The following CD226 variants were observed in gnomAD, a reference collection of about 807,000 sequenced individuals.
CD226 encodes the protein CD226 antigen.
CD226 carries 24 observed loss-of-function variants against 34.9 expected under a neutral mutation model. The observed-to-expected ratio is 0.69, with a 90% CI of 0.50 to 0.97. CD226 has a LOEUF of 0.97. Ranked by LOEUF, CD226 falls within the 50% of genes least tolerant of loss-of-function variation. The pLI is 0.00. For missense variants in CD226, 397 were observed against 412.7 expected (o/e 0.96, Z 0.33); for synonymous variants, 148 against 147.4 (o/e 1.00, Z -0.03).
At chr18:69,906,027 TCTC>T (rs1354793726) in intron 2 of CD226, among the ~76,000 whole-genome samples, 3 of 152,256 alleles carry the variant, frequency 2.0e-5, no homozygotes, top group Admixed American at 1.3e-4. Context: ...TCCTTCCTCT[TCTC>T]ATATTTTCTG....
At position 69,920,137 on chromosome 18, in the gene CD226, T is replaced by C. The variant is rs563488878; in HGVS notation, c.383-24092A>G. 1.3e-3 allele frequency among the ~76,000 whole-genome samples: 198 copies of C among 152,302 alleles called. No individual in the cohort carries two copies. The Middle Eastern group carries it at 0.017, about 13-fold the overall frequency. On this transcript the variant is annotated intron_variant, in intron 2 of 5. Coordinates refer to ENST00000582621, the MANE Select transcript of CD226 (RefSeq NM_001303618.2). ...CCTCAGCCTCCCAAAGTGCTGGGAT[T>C]ACAGGTGTGAGCCACCATGCCTAGC...
chr18:69,877,107 G>A (rs530374701), intron 3 of CD226, among the ~76,000 whole-genome samples: 99 of 152,002 alleles, frequency 6.5e-4, no homozygotes, highest in African/African-American at 2.2e-3. Context: ...AAGGTGATCC[G>A]CCCTCCTCGG....
intron 3 of CD226, among the ~76,000 whole-genome samples, chr18:69,891,238 T>C (rs1598976442): frequency 6.6e-6 from 1 of 151,536 alleles, no homozygotes; most frequent in Middle Eastern, 3.4e-3. Flanking sequence ...CACATGATCA[T>C]CAAAATAGAG....
intron 3 of CD226, among the ~76,000 whole-genome samples, chr18:69,885,377 ATT>A: frequency 6.6e-6 from 1 of 152,288 alleles, no homozygotes; most frequent in East Asian, 1.9e-4. Flanking sequence ...TAGTATTCTG[ATT>A]ACTCCAGCTC....
intron 2 of CD226, among the ~76,000 whole-genome samples, chr18:69,946,397 G>A (rs1018199154): frequency 1.3e-5 from 2 of 152,162 alleles, no homozygotes; most frequent in Non-Finnish European, 2.9e-5. Context: ...CTATGTCACT[G>A]TGATAAAACC....
intron 2 of CD226, among the ~76,000 whole-genome samples, chr18:69,905,163 G>A (rs8084516): frequency 0.76 from 116,025 of 152,064 alleles, 51,420 homozygotes; most frequent in East Asian, 1. Context: ...CCAGCCCTGA[G>A]AAGGGACTCC....
At chr18:69,936,343 T>C (rs2055653436) in intron 2 of CD226, among the ~76,000 whole-genome samples, 1 of 152,210 alleles carries the variant, frequency 6.6e-6, no homozygotes, top group Admixed American at 6.5e-5. Flanking sequence ...GGAAAGCACG[T>C]GGATAAAAAC....
rs8091225 is a variant in CD226, at chr18:69,885,231, T to G, written c.727+10470A>C. Among the ~76,000 whole-genome samples the G allele has an allele frequency of 5.5e-3, 839 of 152,332 alleles. 15 individuals carry two copies. Among genetic ancestry groups the G allele is most frequent in the African/African-American group, 0.019 (790 of 41,580 alleles). On this transcript the variant is annotated intron_variant, in intron 3 of 5. Transcript: ENST00000582621. ...CATACCATTTAAATATATTATGTAT[T>G]TAGCTGTACAATATAAACTACATAA...
intron 3 of CD226, among the ~76,000 whole-genome samples, chr18:69,885,507 CA>C (rs1205815947): frequency 9.9e-5 from 15 of 152,042 alleles, no homozygotes; most frequent in Non-Finnish European, 2.1e-4. Context: ...GAACTTTTAG[CA>C]GATTCCTGGA....
intron 2 of CD226, among the ~76,000 whole-genome samples, chr18:69,932,035 A>G (rs2055595388): frequency 6.6e-6 from 1 of 152,130 alleles, no homozygotes; most frequent in South Asian, 2.1e-4. Flanking sequence ...CTTATTTGGA[A>G]ACCAGTCATA....
intron 2 of CD226, among the ~76,000 whole-genome samples, chr18:69,939,240 C>G (rs1467707906): frequency 1.3e-5 from 2 of 152,250 alleles, no homozygotes; most frequent in Non-Finnish European, 2.9e-5. Flanking sequence ...CTATCCCCCA[C>G]CTACCATGTT....
chr18:69,949,673 G>A (rs548785962), upstream of CD226, among the ~76,000 whole-genome samples: 17 of 151,948 alleles, frequency 1.1e-4, no homozygotes, highest in South Asian at 3.6e-3. Flanking sequence ...AAACATGCAT[G>A]CACTCACACA....
At position 69,856,407 on chromosome 18, in the gene CD226, G is replaced by A. The variant is rs892805598; in HGVS notation, c.*7907C>T. 2.6e-5 allele frequency: 4 copies of A among 152,138 alleles called. No homozygotes were observed. The highest frequency in any genetic ancestry group is 9.7e-5 in the African/African-American group (4 of 41,428). The allele number at this position is 152,138 out of a possible 1,614,324, so 9.4% of individuals were successfully genotyped here. ...GTCAGTATGTGATAGATCAAGAAGAGGGAAAATCAGAAAGGATATAGATAA... is the reference window on the plus strand; with the variant it reads ...GTCAGTATGTGATAGATCAAGAAGAAGGAAAATCAGAAAGGATATAGATAA... On this transcript the variant is annotated 3_prime_UTR_variant, in exon 6 of 6. Coordinates refer to ENST00000582621, the MANE Select transcript of CD226 (RefSeq NM_001303618.2).
chr18:69,880,396 A>G (rs977189859), intron 3 of CD226, among the ~76,000 whole-genome samples: 4 of 149,714 alleles, frequency 2.7e-5, no homozygotes, highest in Non-Finnish European at 5.9e-5. Context: ...AGAAAGAAAG[A>G]AGGAGGGAAG....
In CD226 at chr18:69,947,488, T is replaced by G; in HGVS notation, c.-82A>C. Reference sequence around the variant, plus strand: ...TGTGACATGCAGATCCCCAGCACAATGCAGTTTCCTTCCTCTCAGATGTTA... The same window carrying G: ...TGTGACATGCAGATCCCCAGCACAAGGCAGTTTCCTTCCTCTCAGATGTTA... On this transcript the variant is annotated 5_prime_UTR_variant, in exon 1 of 6. Transcript: ENST00000582621. 1.2e-6 allele frequency: 1 copy of G among 813,638 alleles called. No homozygotes were observed. The highest frequency in any genetic ancestry group is 2.0e-6 in the Non-Finnish European group (1 of 501,774). 50.4% of individuals were successfully genotyped at this position (813,638 alleles called of 1,614,324 possible).
At chr18:69,915,260 C>T (rs960512304) in intron 2 of CD226, among the ~76,000 whole-genome samples, 10 of 152,170 alleles carry the variant, frequency 6.6e-5, no homozygotes, top group Non-Finnish European at 1.5e-4. Context: ...AATGCATATA[C>T]ACTTTAGCAA....
At chr18:69,877,394 C>A (rs962751521) in intron 3 of CD226, among the ~76,000 whole-genome samples, 3 of 152,216 alleles carry the variant, frequency 2.0e-5, no homozygotes, top group African/African-American at 4.8e-5. Context: ...CTCCAGGAGG[C>A]TCCACATGTT....
Position 69,858,176 on chromosome 18 carries a change from G to GT in CD226, c.*6137dup, listed in dbSNP as rs1982665713. The GT allele has an allele frequency of 6.6e-6, 1 of 152,044 alleles. No individual in the cohort carries two copies. 9.4% of individuals were successfully genotyped at this position (152,044 alleles called of 1,614,324 possible). A position where few individuals can be genotyped will look rare whatever the true frequency, so the allele number is the denominator to read the frequency against. On this transcript the variant is annotated 3_prime_UTR_variant, in exon 6 of 6. Transcript: ENST00000582621. ...ATATAGATACTAACTGTATTTATTT[G>GT]TTTTTTCAGCAATTTATTTTAAAAC...
chr18:69,930,610 A>C (rs2055577408), intron 2 of CD226, among the ~76,000 whole-genome samples: 1 of 152,194 alleles, frequency 6.6e-6, no homozygotes, highest in African/African-American at 2.4e-5. Flanking sequence ...AGTGAGAATT[A>C]AAAAGAAGAC....
Sources: gnomAD v4.1 joint callset for allele counts (sites outside exome capture counted in the v4.1 genomes callset) on GRCh38, gnomAD v4.1.1 for gene constraint, MANE v1.5 for transcripts, NCBI Gene and HGNC (gene_info 2026-07-23, HGNC 2026-07-21) for gene names.